PROSER2: variants seen among roughly 807,000 people sequenced by gnomAD.
PROSER2 encodes proline and serine rich 2, also known as proline and serine-rich protein 2.
PROSER2 carries 18 observed loss-of-function variants against 14.6 expected under a neutral mutation model. The ratio of observed to expected loss-of-function variants is 1.23; its 90% CI spans 0.85 to 1.83. The LOEUF (loss-of-function observed/expected upper bound fraction) is 1.83. Among genes scored for constraint, PROSER2 ranks in the 40% most tolerant of loss-of-function variants. The pLI is 0.00. For missense variants in PROSER2, 823 were observed against 629.8 expected (o/e 1.31, Z -3.28); for synonymous variants, 367 against 286.4 (o/e 1.28, Z -2.84).
At chr10:11,852,964 T>C (rs1003535472) in intron 2 of PROSER2, among the ~76,000 whole-genome samples, 2 of 152,022 alleles carry the variant, frequency 1.3e-5, no homozygotes, top group African/African-American at 2.4e-5. Context: ...ACAAAAAGAG[T>C]TGGTGAAGTT....
In PROSER2 at chr10:11,838,948, C is replaced by T. The variant is rs1833798753; in HGVS notation, c.-81-13049C>T. 6.6e-6 allele frequency among the ~76,000 whole-genome samples: 1 copy of T among 152,104 alleles called. No homozygotes were observed. On this transcript the variant is annotated intron_variant, in intron 1 of 3. Coordinates refer to ENST00000277570, the MANE Select transcript of PROSER2 (RefSeq NM_153256.4). This position sits in a 1 kb window ranked among gnomAD's most constrained non-coding sequence, Gnocchi z 4.4. Reference sequence around the variant, plus strand: ...CTGGCAGCTTTTCTCTTAATATTGTCTATGGTGTCCTTAATTTTTATGTAG... The same window carrying T: ...CTGGCAGCTTTTCTCTTAATATTGTTTATGGTGTCCTTAATTTTTATGTAG...
chr10:11,866,822 C>A lies in PROSER2; in HGVS notation c.391+39C>A, dbSNP rs745823199. On this transcript the variant is annotated intron_variant, in intron 3 of 3. Coordinates refer to ENST00000277570, the MANE Select transcript of PROSER2 (RefSeq NM_153256.4). This position sits in a 1 kb window ranked among gnomAD's most constrained non-coding sequence, Gnocchi z 6.0. ...CAGGCCATCCCTGGGATGTGGTTTCCTGGTGTCTGTGAGACCCAGAGATAC... is the reference window on the plus strand; with the variant it reads ...CAGGCCATCCCTGGGATGTGGTTTCATGGTGTCTGTGAGACCCAGAGATAC... The A allele has an allele frequency of 6.3e-7, 1 of 1,589,426 alleles. No homozygotes were observed. Among genetic ancestry groups the A allele is most frequent in the Admixed American group, 1.7e-5 (1 of 58,534 alleles).
intron 3 of PROSER2, among the ~76,000 whole-genome samples, chr10:11,868,822 T>C (rs1834404243): frequency 6.6e-6 from 1 of 152,112 alleles, no homozygotes; most frequent in Non-Finnish European, 1.5e-5. Context: ...AGCTAATTGT[T>C]GTATTTTTAG....
intron 2 of PROSER2, among the ~76,000 whole-genome samples, chr10:11,860,102 G>A (rs550940508): frequency 3.2e-4 from 49 of 152,296 alleles, no homozygotes; most frequent in Admixed American, 2.2e-3. Context: ...AGGTGGCTTC[G>A]TCCCCCAGGA....
Position 11,842,931 on chromosome 10 carries a change from C to CT in PROSER2, c.-81-9039dup, listed in dbSNP as rs558283551. On this transcript the variant is annotated intron_variant, in intron 1 of 3. Coordinates refer to ENST00000277570, the MANE Select transcript of PROSER2 (RefSeq NM_153256.4). ...TTTTCTATACTATTTTGCCATTGTT[C>CT]TTTTTTTTTTTTTTTTTTTTTTTTT... Among the ~76,000 whole-genome samples the CT allele has an allele frequency of 8.0e-3, 415 of 51,944 alleles. 79 individuals carry two copies. The highest frequency in any genetic ancestry group is 0.025 in the African/African-American group (362 of 14,728). The allele number at this position is 51,944 out of a possible 152,430, so 34.1% of individuals were successfully genotyped here.
chr10:11,869,382 G>A lies in PROSER2; in HGVS notation c.392-108G>A. The A allele has an allele frequency of 1.3e-6, 1 of 776,238 alleles. No homozygotes were observed. Among genetic ancestry groups the A allele is most frequent in the Admixed American group, 2.2e-5 (1 of 45,908 alleles). 48.1% of individuals were successfully genotyped at this position (776,238 alleles called of 1,614,324 possible). A position where few individuals can be genotyped will look rare whatever the true frequency, so the allele number is the denominator to read the frequency against. ...TTGACTCACAGGCAGCACCGGCGAA[G>A]TTGGTGTCAGGTCCAGGTTGAGGCT... On this transcript the variant is annotated intron_variant, in intron 3 of 3. Transcript: ENST00000277570. The surrounding 1 kb of genome is among the most constrained non-coding windows in gnomAD (Gnocchi z 4.4).
chr10:11,869,068 T>A lies in PROSER2; in HGVS notation c.392-422T>A, dbSNP rs1295578852. ...TTAAATTCTCTGTCATAGAGGAAAGTGACACAGCTACATGTCCTTCATCCA... is the reference window on the plus strand; with the variant it reads ...TTAAATTCTCTGTCATAGAGGAAAGAGACACAGCTACATGTCCTTCATCCA... On this transcript the variant is annotated intron_variant, in intron 3 of 3. Coordinates refer to ENST00000277570, the MANE Select transcript of PROSER2 (RefSeq NM_153256.4). This position sits in a 1 kb window ranked among gnomAD's most constrained non-coding sequence, Gnocchi z 4.4. Among the ~76,000 whole-genome samples the A allele has an allele frequency of 1.3e-5, 2 of 152,236 alleles. No homozygotes were observed. Among genetic ancestry groups the A allele is most frequent in the Non-Finnish European group, 2.9e-5 (2 of 68,030 alleles).
At chr10:11,835,908 A>AT (rs2131052107) in intron 1 of PROSER2, among the ~76,000 whole-genome samples, 1 of 152,256 alleles carries the variant, frequency 6.6e-6, no homozygotes, top group African/African-American at 2.4e-5. Flanking sequence ...GAGCGGGGTG[A>AT]TTCAGAAAGA....
Position 11,838,272 on chromosome 10 carries a change from A to G in PROSER2, c.-81-13725A>G, listed in dbSNP as rs935602660. Among the ~76,000 whole-genome samples, 20 of 152,186 alleles carry G rather than the reference A, an allele frequency of 1.3e-4. No homozygotes were observed. The highest frequency in any genetic ancestry group is 4.8e-4 in the African/African-American group (20 of 41,450). On this transcript the variant is annotated intron_variant, in intron 1 of 3. Coordinates refer to ENST00000277570, the MANE Select transcript of PROSER2 (RefSeq NM_153256.4). The surrounding 1 kb of genome is among the most constrained non-coding windows in gnomAD (Gnocchi z 4.4). ...ATACAGCGCTGGGTTTTAAATGTAC[A>G]TGAATAGAATTGCACTAAGAATCTA...
At chr10:11,826,267 C>G (rs1170708221) in intron 1 of PROSER2, among the ~76,000 whole-genome samples, 1 of 152,118 alleles carries the variant, frequency 6.6e-6, no homozygotes, top group African/African-American at 2.4e-5. Flanking sequence ...TTCTATTTAC[C>G]CATTCATCAG....
chr10:11,833,990 T>C (rs901928227), intron 1 of PROSER2, among the ~76,000 whole-genome samples: 8 of 127,218 alleles, frequency 6.3e-5, no homozygotes, highest in South Asian at 2.9e-4. Flanking sequence ...CTTTCTTTTT[T>C]TTTTTTTTTT....
chr10:11,842,147 G>A (rs535288224), intron 1 of PROSER2, among the ~76,000 whole-genome samples: 4 of 151,914 alleles, frequency 2.6e-5, no homozygotes, highest in South Asian at 2.1e-4. Flanking sequence ...GCTTGAACCC[G>A]GGAGGTGGAG....
rs1834360611 is a variant in PROSER2, at chr10:11,866,892, T to TTACCA, written c.391+110_391+114dup. 3.1e-6 allele frequency: 4 copies of TTACCA among 1,298,942 alleles called. No individual in the cohort carries two copies. The highest frequency in any genetic ancestry group is 4.1e-6 in the Non-Finnish European group (4 of 966,348). The allele number at this position is 1,298,942 out of a possible 1,614,324, so 80.5% of individuals were successfully genotyped here. On this transcript the variant is annotated intron_variant, in intron 3 of 3. Coordinates refer to ENST00000277570, the MANE Select transcript of PROSER2 (RefSeq NM_153256.4). This position sits in a 1 kb window ranked among gnomAD's most constrained non-coding sequence, Gnocchi z 6.0. ...GTTTGCCAGTAGAAGTTGTTGAGTC[T>TTACCA]TACCAGATTTTTATAGGGGAAAATA...
chr10:11,840,313 C>T (rs1833818958), intron 1 of PROSER2, among the ~76,000 whole-genome samples: 1 of 151,066 alleles, frequency 6.6e-6, no homozygotes, highest in Admixed American at 6.6e-5. Flanking sequence ...AAAAAAATTC[C>T]TCCTAATTTG....
rs998098507 is a variant in PROSER2, at chr10:11,853,416, C to T, written c.138+1201C>T. Among the ~76,000 whole-genome samples the T allele has an allele frequency of 6.6e-5, 10 of 152,252 alleles. No homozygotes were observed. The South Asian group carries it at 8.3e-4, about 13-fold the overall frequency. On this transcript the variant is annotated intron_variant, in intron 2 of 3. Coordinates refer to ENST00000277570, the MANE Select transcript of PROSER2 (RefSeq NM_153256.4). Reference sequence around the variant, plus strand: ...CAGCCTGGCCAACATGGTGAAACCCCGTCTCTACTAAAAATACAAAAATTA... The same window carrying T: ...CAGCCTGGCCAACATGGTGAAACCCTGTCTCTACTAAAAATACAAAAATTA...
intron 1 of PROSER2, among the ~76,000 whole-genome samples, chr10:11,826,742 G>A (rs1304636209): frequency 3.3e-5 from 5 of 151,868 alleles, no homozygotes; most frequent in African/African-American, 7.3e-5. Context: ...CACCACGCCG[G>A]GCTAATTTTT....
At chr10:11,868,670 A>G (rs564891769) in intron 3 of PROSER2, among the ~76,000 whole-genome samples, 1 of 146,994 alleles carries the variant, frequency 6.8e-6, no homozygotes, top group African/African-American at 2.5e-5. Flanking sequence ...GTTTTTTCTG[A>G]GACAGAGTCT....
rs563417105 is a variant in PROSER2, at chr10:11,830,574, C to A, written c.-82+7104C>A. On this transcript the variant is annotated intron_variant, in intron 1 of 3. Coordinates refer to ENST00000277570, the MANE Select transcript of PROSER2 (RefSeq NM_153256.4). This position sits in a 1 kb window ranked among gnomAD's most constrained non-coding sequence, Gnocchi z 4.5. Reference sequence around the variant, plus strand: ...GAGATTGCTGGGTCCTGTGGTAGTTCTAGGTTTAGTCCCTGAGAAATCTCT... The same window carrying A: ...GAGATTGCTGGGTCCTGTGGTAGTTATAGGTTTAGTCCCTGAGAAATCTCT... Among the ~76,000 whole-genome samples the A allele has an allele frequency of 9.2e-5, 14 of 152,240 alleles. No homozygotes were observed. The South Asian group carries it at 2.9e-3, about 32-fold the overall frequency.
At chr10:11,840,979 T>TG (rs1231563383) in intron 1 of PROSER2, among the ~76,000 whole-genome samples, 101 of 115,758 alleles carry the variant, frequency 8.7e-4, no homozygotes, top group South Asian at 1.7e-3. Context: ...TATATATATA[T>TG]ATATATATAT....
Sources: gnomAD v4.1 joint callset for allele counts (sites outside exome capture counted in the v4.1 genomes callset) on GRCh38, gnomAD v4.1.1 for gene constraint, Gnocchi (gnomAD v3.1) non-coding constraint, MANE v1.5 for transcripts, NCBI Gene and HGNC (gene_info 2026-07-23, HGNC 2026-07-21) for gene names.